Variants in SGCZ observed in about 807,000 individuals in gnomAD.
SGCZ encodes zeta-sarcoglycan.
In SGCZ, 40 loss-of-function variants were observed where a neutral mutation model predicts 41.3. That is an observed-to-expected ratio of 0.97 (90% CI 0.75 to 1.26). The LOEUF is 1.26. Ranked by LOEUF, SGCZ falls within the 50% of genes most tolerant of loss-of-function variation. The pLI, the probability that SGCZ is intolerant of heterozygous loss-of-function variation, is 0.00. For missense variants in SGCZ, 552 were observed against 369.8 expected, an observed-to-expected ratio of 1.49 and a Z score of -4.04; for synonymous variants, 206 against 137.5, an observed-to-expected ratio of 1.50 and a Z score of -3.49.
At chr8:14,418,748 C>T (rs2117299013) in intron 2 of SGCZ, among the ~76,000 whole-genome samples, 1 of 151,956 alleles carries the variant, frequency 6.6e-6, no homozygotes, top group East Asian at 1.9e-4. Context: ...TAAAAATAAA[C>T]ATACAGAAAA....
chr8:14,646,474 G>C (rs1807221143), intron 1 of SGCZ, among the ~76,000 whole-genome samples: 1 of 151,816 alleles, frequency 6.6e-6, no homozygotes, highest in Admixed American at 6.6e-5. Context: ...TAGGCACTTA[G>C]GTTGAGTCCG....
At chr8:14,595,445 T>G (rs1370435474) in intron 1 of SGCZ, among the ~76,000 whole-genome samples, 1 of 99,242 alleles carries the variant, frequency 1.0e-5, no homozygotes, top group African/African-American at 3.2e-5. Context: ...ACACACACCA[T>G]GTACTGATGG....
chr8:14,984,723 T>C (rs986097410), intron 1 of SGCZ, among the ~76,000 whole-genome samples: 4 of 152,232 alleles, frequency 2.6e-5, no homozygotes, highest in African/African-American at 9.6e-5. Flanking sequence ...CCGAGGTTTC[T>C]AATTTATGTA....
At chr8:14,790,473 A>G (rs955512851) in intron 1 of SGCZ, among the ~76,000 whole-genome samples, 8 of 152,208 alleles carry the variant, frequency 5.3e-5, no homozygotes, top group African/African-American at 1.9e-4. Flanking sequence ...AAATGTTTAT[A>G]ATCTAACCCA....
intron 1 of SGCZ, among the ~76,000 whole-genome samples, chr8:15,224,657 A>G (rs926667253): frequency 1.3e-5 from 2 of 152,178 alleles, no homozygotes; most frequent in African/African-American, 4.8e-5. Flanking sequence ...ACGGATTTCT[A>G]AAATCTAACT....
intron 2 of SGCZ, among the ~76,000 whole-genome samples, chr8:14,499,469 T>G (rs1390188817): frequency 9.9e-5 from 15 of 152,048 alleles, no homozygotes; most frequent in Admixed American, 9.8e-4. Context: ...GCAACATATA[T>G]TGCTGAAACT....
chr8:14,106,319 T>G (rs545572750), intron 6 of SGCZ, among the ~76,000 whole-genome samples: 1 of 152,166 alleles, frequency 6.6e-6, no homozygotes, highest in Non-Finnish European at 1.5e-5. Flanking sequence ...AAAAGAGCCA[T>G]AAATGAAGAC....
chr8:14,594,816 G>C (rs183127635), intron 1 of SGCZ, among the ~76,000 whole-genome samples: 2 of 151,744 alleles, frequency 1.3e-5, no homozygotes, highest in African/African-American at 4.9e-5. Context: ...ACTATGCAAT[G>C]TTATGACGTA....
At chr8:15,168,673 C>A (rs1241511571) in intron 1 of SGCZ, among the ~76,000 whole-genome samples, 1 of 152,172 alleles carries the variant, frequency 6.6e-6, no homozygotes, top group Non-Finnish European at 1.5e-5. Flanking sequence ...AGCCATTCAT[C>A]TTCAGTCTGT....
intron 3 of SGCZ, among the ~76,000 whole-genome samples, chr8:14,246,818 T>C (rs1169491187): frequency 1.4e-5 from 2 of 138,324 alleles, no homozygotes; most frequent in African/African-American, 2.7e-5. Flanking sequence ...GCTGAGGCAG[T>C]AGAATGGCAT....
At chr8:14,354,463 G>C (rs1000348638) in intron 2 of SGCZ, among the ~76,000 whole-genome samples, 1 of 151,772 alleles carries the variant, frequency 6.6e-6, no homozygotes, top group African/African-American at 2.4e-5. Context: ...ACAAAAATTA[G>C]TACTCTTGTA....
chr8:14,719,312 A>G (rs1309582939), intron 1 of SGCZ, among the ~76,000 whole-genome samples: 1 of 150,154 alleles, frequency 6.7e-6, no homozygotes, highest in East Asian at 2.0e-4. Flanking sequence ...CACAATAAAC[A>G]TACGTGTGCA....
At chr8:14,432,929 A>C (rs1305720990) in intron 2 of SGCZ, among the ~76,000 whole-genome samples, 3 of 150,638 alleles carry the variant, frequency 2.0e-5, no homozygotes, top group Admixed American at 1.3e-4. Flanking sequence ...AAAAAAAAAA[A>C]AAAAAAAAAA....
chr8:14,998,665 G>A (rs1802304117), intron 1 of SGCZ, among the ~76,000 whole-genome samples: 1 of 152,190 alleles, frequency 6.6e-6, no homozygotes, highest in African/African-American at 2.4e-5. Context: ...AGGTATAAAT[G>A]TCTCCTTGAA....
At chr8:14,203,429 C>G (rs1264302754) in intron 4 of SGCZ, among the ~76,000 whole-genome samples, 1 of 152,084 alleles carries the variant, frequency 6.6e-6, no homozygotes. Context: ...ATACCTAATA[C>G]AATTCTTTTC....
chr8:14,507,894 T>C (rs975191854), intron 2 of SGCZ, among the ~76,000 whole-genome samples: 2 of 151,824 alleles, frequency 1.3e-5, no homozygotes, highest in African/African-American at 4.8e-5. Flanking sequence ...GCCTCAGCCT[T>C]TCTGGTAGCT....
chr8:14,970,239 T>C lies in SGCZ; in HGVS notation c.39+267346A>G, dbSNP rs368078407. Among the ~76,000 whole-genome samples the C allele has an allele frequency of 3.9e-5, 6 of 152,290 alleles. No homozygotes were observed. In the East Asian group the frequency reaches 9.6e-4, roughly 24 times the overall value. On this transcript the variant is annotated intron_variant, in intron 1 of 7. Transcript: ENST00000382080. ...GTTATTGTTGAGTTCTTAGAACTTT[T>C]TATATACTCTGACACAAGTCCTTGA...
intron 2 of SGCZ, among the ~76,000 whole-genome samples, chr8:14,379,223 A>C (rs1804263829): frequency 2.0e-5 from 3 of 152,170 alleles, no homozygotes. Context: ...TAGGAAACCC[A>C]GGAGAATCAA....
At chr8:14,294,782 T>C (rs1477044373) in intron 3 of SGCZ, among the ~76,000 whole-genome samples, 1 of 152,066 alleles carries the variant, frequency 6.6e-6, no homozygotes, top group East Asian at 1.9e-4. Context: ...ATCTATCATC[T>C]AAAACATAGA....
Sources: gnomAD v4.1 joint callset for allele counts (sites outside exome capture counted in the v4.1 genomes callset) on GRCh38, gnomAD v4.1.1 for gene constraint, MANE v1.5 for transcripts, NCBI Gene and HGNC (gene_info 2026-07-23, HGNC 2026-07-21) for gene names.